The following WIPF2 variants were observed in gnomAD, a reference collection of about 807,000 sequenced individuals.
The protein encoded by WIPF2 is WAS/WASL interacting protein family member 2.
Under a neutral mutation model 38.8 loss-of-function variants are expected in WIPF2, and 23 were observed. That is an observed-to-expected ratio of 0.59 (90% CI 0.43 to 0.84). The LOEUF (loss-of-function observed/expected upper bound fraction) is 0.84. Ranked by LOEUF, WIPF2 falls within the 40% of genes least tolerant of loss-of-function variation. The pLI, the probability that WIPF2 is intolerant of heterozygous loss-of-function variation, is 0.00. For missense variants in WIPF2, 574 were observed against 580.5 expected, an observed-to-expected ratio of 0.99 and a Z score of 0.11; for synonymous variants, 210 against 223.2, an observed-to-expected ratio of 0.94 and a Z score of 0.53.
intron 1 of WIPF2, among the ~76,000 whole-genome samples, chr17:40,237,666 G>C (rs2031029326): frequency 6.8e-6 from 1 of 146,944 alleles, no homozygotes; most frequent in African/African-American, 2.5e-5. Context: ...TTTTTTTTTA[G>C]ACAGAGTCTT....
intron 1 of WIPF2, among the ~76,000 whole-genome samples, chr17:40,243,687 ATT>A (rs929061465): frequency 7.0e-6 from 1 of 142,748 alleles, no homozygotes; most frequent in Non-Finnish European, 1.5e-5. Flanking sequence ...CTAATTTTGT[ATT>A]TTTTTTTTTT....
intron 3 of WIPF2, 75 bp from the exon 4 acceptor site, chr17:40,262,450 T>G: frequency 8.6e-7 from 1 of 1,162,148 alleles, no homozygotes; most frequent in South Asian, 1.3e-5. Context: ...GATAGAGGAG[T>G]GGTTTCCCCT....
chr17:40,250,099 TG>T (rs2031504503), intron 1 of WIPF2, among the ~76,000 whole-genome samples: 1 of 151,858 alleles, frequency 6.6e-6, no homozygotes, highest in African/African-American at 2.4e-5. Context: ...CCCAGAGTGC[TG>T]GGATTACAGG....
intron 6 of WIPF2, among the ~76,000 whole-genome samples, chr17:40,274,657 A>C (rs2032342514): frequency 1.3e-5 from 2 of 150,784 alleles, no homozygotes. Flanking sequence ...TTAAAGAAAA[A>C]AGGATTGGGC....
At position 40,278,006 on chromosome 17, in the gene WIPF2, G is replaced by A. The variant is rs1450959183; in HGVS notation, c.1283-179G>A. 2.0e-5 allele frequency among the ~76,000 whole-genome samples: 3 copies of A among 152,222 alleles called. No individual in the cohort carries two copies. The East Asian group carries it at 5.8e-4, about 29-fold the overall frequency. ...CTCCCAAAGTGCTGGGATTACAGGC[G>A]TGAGCCACCTTGCCTGGCCACTCAT... On this transcript the variant is annotated intron_variant, in intron 7 of 7. Coordinates refer to ENST00000323571, the MANE Select transcript of WIPF2 (RefSeq NM_133264.5).
intron 6 of WIPF2, 63 bp from the exon 7 acceptor site, chr17:40,277,020 G>A (rs999262815): frequency 2.8e-6 from 4 of 1,419,634 alleles, no homozygotes; most frequent in South Asian, 1.2e-5. Context: ...GGGTCGAAGC[G>A]ATCAGAGGCC....
rs2032491810 is a variant in WIPF2, at chr17:40,279,133, G to A, written c.*908G>A. ...GGTGGGAGATAGGAAGATAGGGCGT[G>A]GGCCTGGGCCTTAACCTCAATCTTG... On this transcript the variant is annotated 3_prime_UTR_variant, in exon 8 of 8. Transcript: ENST00000323571. 6.6e-6 allele frequency: 1 copy of A among 152,258 alleles called. No individual in the cohort carries two copies. Among genetic ancestry groups the A allele is most frequent in the African/African-American group, 2.4e-5 (1 of 41,458 alleles). 9.4% of individuals were successfully genotyped at this position (152,258 alleles called of 1,614,324 possible). A position where few individuals can be genotyped will look rare whatever the true frequency, so the allele number is the denominator to read the frequency against.
In WIPF2 at chr17:40,282,374, A is replaced by G. The variant is rs1019826440; in HGVS notation, c.*4149A>G. The G allele has an allele frequency of 4.6e-5, 7 of 152,278 alleles. No individual in the cohort carries two copies. Among genetic ancestry groups the G allele is most frequent in the South Asian group, 2.1e-4 (1 of 4,820 alleles). The allele number at this position is 152,278 out of a possible 1,614,324, so 9.4% of individuals were successfully genotyped here. ...GGCCTAGCCTTCTTTTCACATGTCT[A>G]ATCTTTTCCTTTCTCATGGTGCCCT... On this transcript the variant is annotated 3_prime_UTR_variant, in exon 8 of 8. Coordinates refer to ENST00000323571, the MANE Select transcript of WIPF2 (RefSeq NM_133264.5).
chr17:40,226,537 G>A (rs1263707632), intron 1 of WIPF2, among the ~76,000 whole-genome samples: 1 of 151,828 alleles, frequency 6.6e-6, no homozygotes, highest in Non-Finnish European at 1.5e-5. Flanking sequence ...TTCTAAGGTA[G>A]TACACTAGTA....
intron 1 of WIPF2, among the ~76,000 whole-genome samples, chr17:40,247,649 G>A (rs1220045172): frequency 3.3e-5 from 5 of 151,434 alleles, no homozygotes; most frequent in Non-Finnish European, 7.4e-5. Flanking sequence ...AGCCTCCCGA[G>A]TAGCTGGAGT....
At position 40,283,548 on chromosome 17, in the gene WIPF2, G is replaced by C. The variant is rs2032597243; in HGVS notation, c.*5323G>C. The C allele has an allele frequency of 2.0e-5, 3 of 152,172 alleles. No homozygotes were observed. The highest frequency in any genetic ancestry group is 4.4e-5 in the Non-Finnish European group (3 of 68,044). 9.4% of individuals were successfully genotyped at this position (152,172 alleles called of 1,614,324 possible). ...AGGCATGAGCCACCGCACCCAGCCA[G>C]TCCTTATTTTATATTTCCACCTAAC... is the stretch of plus-strand genomic sequence containing the variant. On this transcript the variant is annotated 3_prime_UTR_variant, in exon 8 of 8. Coordinates refer to ENST00000323571, the MANE Select transcript of WIPF2 (RefSeq NM_133264.5).
chr17:40,222,654 GTTTTTTTTTTTTTTT>G (rs58758484), intron 1 of WIPF2, among the ~76,000 whole-genome samples: 31 of 52,862 alleles, frequency 5.9e-4, no homozygotes, highest in Middle Eastern at 0.014. Flanking sequence ...TGCATATTCA[GTTTTTTTTTTTTTTT>G]TTTTTTTTTT....
intron 1 of WIPF2, among the ~76,000 whole-genome samples, chr17:40,232,487 T>A (rs2030790588): frequency 6.6e-6 from 1 of 150,770 alleles, no homozygotes; most frequent in Non-Finnish European, 1.5e-5. Flanking sequence ...CCACCATGCC[T>A]GGCCTAATTT....
intron 1 of WIPF2, among the ~76,000 whole-genome samples, chr17:40,232,709 G>A (rs2030799602): frequency 6.8e-6 from 1 of 148,022 alleles, no homozygotes; most frequent in South Asian, 2.1e-4. Context: ...GTGTGATCTC[G>A]GCTCACTGCA....
At chr17:40,223,949 T>C (rs746987276) in intron 1 of WIPF2, among the ~76,000 whole-genome samples, 21 of 151,966 alleles carry the variant, frequency 1.4e-4, no homozygotes, top group Non-Finnish European at 2.9e-4. Flanking sequence ...ACCTGGTATA[T>C]GTTAGTCTGT....
chr17:40,266,100 C>G (rs1598495063), intron 5 of WIPF2, among the ~76,000 whole-genome samples: 1 of 151,804 alleles, frequency 6.6e-6, no homozygotes, highest in East Asian at 1.9e-4. Context: ...ATGAAGTCAC[C>G]TAAGGAGTGA....
intron 1 of WIPF2, among the ~76,000 whole-genome samples, chr17:40,238,587 G>A (rs921086354): frequency 6.6e-6 from 1 of 151,914 alleles, no homozygotes; most frequent in African/African-American, 2.4e-5. Flanking sequence ...ACAGGTGTGA[G>A]CCACTGCACC....
chr17:40,272,749 CATTG>C (rs1329078012), intron 5 of WIPF2, among the ~76,000 whole-genome samples: 5 of 152,178 alleles, frequency 3.3e-5, no homozygotes, highest in Non-Finnish European at 5.9e-5. Flanking sequence ...ATTCAGCAAA[CATTG>C]ATTGAGCACC....
At chr17:40,268,197 A>G (rs912707304) in intron 5 of WIPF2, among the ~76,000 whole-genome samples, 3 of 152,206 alleles carry the variant, frequency 2.0e-5, no homozygotes, top group Admixed American at 1.3e-4. Flanking sequence ...TTAAAAGTCC[A>G]TTAACCTGTG....
Sources: allele counts gnomAD v4.1 joint callset (sites outside exome capture counted in the v4.1 genomes callset), GRCh38; gene constraint gnomAD v4.1.1; transcripts MANE v1.5; gene names NCBI Gene and HGNC (gene_info 2026-07-23, HGNC 2026-07-21).